Variants in PIR observed in about 807,000 individuals in gnomAD.
PIR encodes the protein pirin (iron-binding nuclear protein).
In PIR, 22 loss-of-function variants were observed where a neutral mutation model predicts 24.2. The observed-to-expected ratio is 0.91, with a 90% CI of 0.65 to 1.30. PIR has a LOEUF of 1.30. Ranked by LOEUF, PIR falls within the 50% of genes most tolerant of loss-of-function variation. PIR has a pLI of 0.00. For missense variants in PIR, 220 were observed against 220.3 expected (o/e 1.00, Z 0.01); for synonymous variants, 80 against 79.6 (o/e 1.00, Z -0.03).
Position 15,491,328 on chromosome X carries a change from A to C in PIR, c.-52-19T>G, listed in dbSNP as rs937044218. The C allele has an allele frequency of 2.9e-4, 194 of 664,702 alleles. No homozygotes were observed. Among genetic ancestry groups the C allele is most frequent in the Middle Eastern group, 2.8e-3 (9 of 3,200 alleles). The allele number at this position is 664,702 out of a possible 1,213,427, so 54.8% of individuals were successfully genotyped here. A position where few individuals can be genotyped will look rare whatever the true frequency, so the allele number is the denominator to read the frequency against. On this transcript the variant is annotated intron_variant, in intron 1 of 9. Transcript: ENST00000380420. ...TGGAGGGCTAAAGGAAGGACAACAA[A>C]AAAAAAAGAAGTCATAAAGGAGGGA...
At chrX:15,471,670 G>C (rs1431055919) in intron 3 of PIR, among the ~76,000 whole-genome samples, 1 of 111,703 alleles carries the variant, frequency 9.0e-6, no homozygotes, top group Non-Finnish European at 1.9e-5. Context: ...TATTGGTTAA[G>C]GCCTTACTAA....
chrX:15,473,345 T>C (rs755365232), intron 3 of PIR, among the ~76,000 whole-genome samples: 21 of 111,241 alleles, frequency 1.9e-4, no homozygotes, highest in Admixed American at 1.3e-3. Flanking sequence ...TAGCAAAGAA[T>C]TATGCATCCA....
chrX:15,440,860 G>A (rs757407878), intron 5 of PIR, among the ~76,000 whole-genome samples: 57 of 111,169 alleles, frequency 5.1e-4, no homozygotes, highest in Admixed American at 4.1e-3. Context: ...AGTGGAGACG[G>A]TATGGATACA....
At chrX:15,403,993 C>CTTTTT (rs151011282) in intron 7 of PIR, among the ~76,000 whole-genome samples, 1 of 89,908 alleles carries the variant, frequency 1.1e-5, no homozygotes. Context: ...CCAGCATTTT[C>CTTTTT]TTTTTTTTTT....
In PIR at chrX:15,479,740, C is replaced by T. The variant is rs1319331957; in HGVS notation, c.178G>A (p.Gly60Ser). Residue 60 changes from glycine to serine, a missense_variant, in exon 3 of 10, where the codon GGT (glycine) becomes AGT (serine). Coordinates refer to ENST00000380420, the MANE Select transcript of PIR (RefSeq NM_001018109.3). Reference sequence around the variant, plus strand: ...ATTATTGTACTTACTGTTTCAAAACCTCGATGTGGATGATCAGGAAATCCT... The same window carrying T: ...ATTATTGTACTTACTGTTTCAAAACTTCGATGTGGATGATCAGGAAATCCT... ...PGGFPDHPHR[G>S]FETVSYLLEG... The T allele has an allele frequency of 1.8e-6, 2 of 1,138,224 alleles. No individual in the cohort carries two copies. The highest frequency in any genetic ancestry group is 3.1e-5 in the East Asian group (1 of 32,742). The allele number at this position is 1,138,224 out of a possible 1,213,427, so 93.8% of individuals were successfully genotyped here. A position where few individuals can be genotyped will look rare whatever the true frequency, so the allele number is the denominator to read the frequency against.
intron 2 of PIR, among the ~76,000 whole-genome samples, chrX:15,490,243 G>A (rs1445036874): frequency 9.0e-6 from 1 of 111,565 alleles, no homozygotes; most frequent in Non-Finnish European, 1.9e-5. Context: ...ATGTAGATCA[G>A]CACTCATTGA....
intron 5 of PIR, among the ~76,000 whole-genome samples, chrX:15,426,917 G>A (rs1414422276): frequency 9.0e-6 from 1 of 111,359 alleles, no homozygotes; most frequent in Admixed American, 9.6e-5. Flanking sequence ...CTAAAGACAG[G>A]CACAAGTACC....
chrX:15,398,668 G>GT (rs10664078), intron 7 of PIR, among the ~76,000 whole-genome samples: 33,431 of 77,191 alleles, frequency 0.43, 7,190 homozygotes, highest in Non-Finnish European at 0.52. Context: ...TGAGGAGGGA[G>GT]GGTGTGTGTG....
chrX:15,408,413 G>A (rs1924619533), intron 6 of PIR, among the ~76,000 whole-genome samples: 1 of 111,393 alleles, frequency 9.0e-6, no homozygotes, highest in Non-Finnish European at 1.9e-5. Context: ...CTCCAGGATG[G>A]CCTGTGAACT....
intron 3 of PIR, among the ~76,000 whole-genome samples, chrX:15,468,184 C>T (rs779131333): frequency 1.8e-5 from 2 of 112,593 alleles, no homozygotes; most frequent in East Asian, 5.5e-4. Context: ...ATTATGTGTG[C>T]TCATTCTTTT....
chrX:15,405,623 C>G (rs1184635431), intron 7 of PIR, among the ~76,000 whole-genome samples: 1 of 112,455 alleles, frequency 8.9e-6, no homozygotes, highest in Non-Finnish European at 1.9e-5. Context: ...GTCGGGAGCA[C>G]TACCTCCATA....
chrX:15,476,732 C>T (rs926177603), intron 3 of PIR, among the ~76,000 whole-genome samples: 7 of 110,989 alleles, frequency 6.3e-5, no homozygotes, highest in African/African-American at 2.3e-4. Context: ...AAATCAATCT[C>T]GCTCAAATAA....
chrX:15,434,060 A>T (rs1389152212), intron 5 of PIR, among the ~76,000 whole-genome samples: 1 of 64,657 alleles, frequency 1.5e-5, no homozygotes. Context: ...GAGGAGGAGG[A>T]AGGAGAAAGA....
chrX:15,481,736 C>A (rs1239543136), intron 2 of PIR, among the ~76,000 whole-genome samples: 1 of 111,973 alleles, frequency 8.9e-6, no homozygotes, highest in Non-Finnish European at 1.9e-5. Context: ...TTTAATGATT[C>A]ATCTGTAGCT....
intron 2 of PIR, among the ~76,000 whole-genome samples, chrX:15,482,290 T>C (rs1378296308): frequency 8.9e-6 from 1 of 111,944 alleles, no homozygotes; most frequent in Non-Finnish European, 1.9e-5. Context: ...ACAACAGTCT[T>C]GAGTAGAAAT....
intron 2 of PIR, among the ~76,000 whole-genome samples, chrX:15,488,787 T>C (rs754471519): frequency 9.0e-6 from 1 of 111,659 alleles, no homozygotes; most frequent in African/African-American, 3.3e-5. Context: ...TGGGGATCTG[T>C]AAAGCATAAG....
intron 3 of PIR, among the ~76,000 whole-genome samples, chrX:15,466,951 T>G (rs1284431183): frequency 3.6e-5 from 4 of 112,372 alleles, no homozygotes; most frequent in Admixed American, 2.8e-4. Flanking sequence ...GACACTATAT[T>G]ATGTAATTAT....
chrX:15,471,939 G>A (rs922066569), intron 3 of PIR, among the ~76,000 whole-genome samples: 6 of 111,849 alleles, frequency 5.4e-5, no homozygotes, highest in African/African-American at 1.6e-4. Flanking sequence ...AATCTCATGC[G>A]CCCCTCTAAT....
At chrX:15,460,492 G>A (rs1405560731) in intron 3 of PIR, among the ~76,000 whole-genome samples, 3 of 111,545 alleles carry the variant, frequency 2.7e-5, no homozygotes, top group Non-Finnish European at 5.6e-5. Context: ...CAGACACAGA[G>A]GGACAAATAC....
Sources: gnomAD v4.1 joint callset for allele counts (sites outside exome capture counted in the v4.1 genomes callset) on GRCh38, gnomAD v4.1.1 for gene constraint, MANE v1.5 for transcripts, NCBI Gene and HGNC (gene_info 2026-07-23, HGNC 2026-07-21) for gene names.